Variants in LMBRD2 observed in about 807,000 individuals in gnomAD.
The protein encoded by LMBRD2 is G protein-coupled receptor-associated protein LMBRD2.
Under a neutral mutation model 94.4 loss-of-function variants are expected in LMBRD2, and 55 were observed. That is an observed-to-expected ratio of 0.58 (90% CI 0.47 to 0.73). The LOEUF (loss-of-function observed/expected upper bound fraction) is 0.73. Ranked by LOEUF, LMBRD2 falls within the 30% of genes least tolerant of loss-of-function variation. The pLI is 0.00. For synonymous variants in LMBRD2, 246 were observed against 272.4 expected, an observed-to-expected ratio of 0.90 and a Z score of 0.95; for missense variants, 640 against 831.9, an observed-to-expected ratio of 0.77 and a Z score of 2.84.
Position 36,102,649 on chromosome 5 carries a change from AC to A in LMBRD2, c.*1396del, listed in dbSNP as rs1262821809. 5.3e-5 allele frequency: 8 copies of A among 151,888 alleles called. No individual in the cohort carries two copies. Among genetic ancestry groups the A allele is most frequent in the Non-Finnish European group, 1.2e-4 (8 of 67,776 alleles). The allele number at this position is 151,888 out of a possible 1,614,324, so 9.4% of individuals were successfully genotyped here. ...GCATAGAGCTGTGTTTTAAAAAAAA[AC>A]TTACATGATAATATTTATTAAAAAT... is the stretch of plus-strand genomic sequence containing the variant. On this transcript the variant is annotated 3_prime_UTR_variant, in exon 18 of 18. Coordinates refer to ENST00000296603, the MANE Select transcript of LMBRD2 (RefSeq NM_001007527.2).
intron 6 of LMBRD2, among the ~76,000 whole-genome samples, chr5:36,129,930 G>A (rs1213179771): frequency 2.0e-5 from 3 of 152,054 alleles, no homozygotes; most frequent in African/African-American, 7.3e-5. Flanking sequence ...GCAAACTATC[G>A]CAAGGACAAA....
Position 36,105,214 on chromosome 5 carries a change from A to G in LMBRD2, c.1898-17T>C. 6.2e-7 allele frequency: 1 copy of G among 1,607,508 alleles called. No homozygotes were observed. Among genetic ancestry groups the G allele is most frequent in the Middle Eastern group, 1.7e-4 (1 of 6,034 alleles). The stretch of plus-strand genomic sequence containing the variant: ...TGAATGCAGCTGCAAAGGAAGGGGG[A>G]AAAATGTCTACTTCCCTACTGTCTT... On this transcript the variant is annotated splice_polypyrimidine_tract_variant and intron_variant, in intron 16 of 17. Transcript: ENST00000296603.
At chr5:36,141,245 C>A in intron 3 of LMBRD2, 43 bp from the exon 4 acceptor site, 1 of 1,120,958 alleles carries the variant, frequency 8.9e-7, no homozygotes, top group Non-Finnish European at 1.3e-6. Flanking sequence ...TAAATGACTA[C>A]TTAAATGAAT....
rs1189239958 is a variant in LMBRD2, at chr5:36,101,354, C to A, written c.*2692G>T. The A allele has an allele frequency of 6.6e-6, 1 of 151,754 alleles. No homozygotes were observed. Among genetic ancestry groups the A allele is most frequent in the Non-Finnish European group, 1.5e-5 (1 of 67,812 alleles). The allele number at this position is 151,754 out of a possible 1,614,324, so 9.4% of individuals were successfully genotyped here. ...CTGAATTACTGGCTTACTGAATATT[C>A]TTACCTAACAACTATTTAAAGAATA... On this transcript the variant is annotated 3_prime_UTR_variant, in exon 18 of 18. Transcript: ENST00000296603.
intron 15 of LMBRD2, among the ~76,000 whole-genome samples, chr5:36,109,240 T>G (rs1232262939): frequency 6.6e-6 from 1 of 152,088 alleles, no homozygotes; most frequent in Non-Finnish European, 1.5e-5. Context: ...TCTGACTAGA[T>G]AGCATGTAAT....
intron 9 of LMBRD2, among the ~76,000 whole-genome samples, chr5:36,121,639 G>C (rs1043590424): frequency 7.2e-5 from 11 of 152,150 alleles, no homozygotes; most frequent in Non-Finnish European, 1.5e-4. Flanking sequence ...AGAGACCCAA[G>C]CTTGTGATGT....
intron 4 of LMBRD2, among the ~76,000 whole-genome samples, 189 bp from the exon 5 acceptor site, chr5:36,137,630 G>A (rs1361233959): frequency 6.6e-6 from 1 of 152,080 alleles, no homozygotes; most frequent in East Asian, 1.9e-4. Context: ...TAAAATTTTA[G>A]GGAAAGCAAA....
At chr5:36,140,127 C>A (rs1176312350) in intron 4 of LMBRD2, among the ~76,000 whole-genome samples, 1 of 152,228 alleles carries the variant, frequency 6.6e-6, no homozygotes, top group African/African-American at 2.4e-5. Context: ...CTGGGTACCA[C>A]CACATTCCTC....
intron 13 of LMBRD2, among the ~76,000 whole-genome samples, chr5:36,112,698 T>G (rs155540): frequency 0.014 from 2,196 of 152,250 alleles, 54 homozygotes; most frequent in African/African-American, 0.05. Flanking sequence ...ACATAGTGAT[T>G]CCTTATAGCT....
chr5:36,122,809 A>G (rs1378538238), intron 8 of LMBRD2, 39 bp downstream of exon 8: 1 of 1,551,896 alleles, frequency 6.4e-7, no homozygotes, highest in Non-Finnish European at 8.6e-7. Context: ...TCTAATTAAA[A>G]TCATCATTAA....
In LMBRD2 at chr5:36,122,310, A is replaced by G. The variant is rs1743904613; in HGVS notation, c.1090T>C (p.Phe364Leu). 1 of 1,603,894 alleles carries G rather than the reference A, an allele frequency of 6.2e-7. No homozygotes were observed. The highest frequency in any genetic ancestry group is 1.8e-5 in the Admixed American group (1 of 56,704). Residue 364 changes from phenylalanine to leucine, a missense_variant, in exon 9 of 18, where the codon TTT (phenylalanine) becomes CTT (leucine). Transcript: ENST00000296603. Reference sequence around the variant, plus strand: ...GTAGGATTATAAAAATATTGGATAAATCGATTTTCTGGCTCTGGCGATTGA... The same window carrying G: ...GTAGGATTATAAAAATATTGGATAAGTCGATTTTCTGGCTCTGGCGATTGA... ...TFQSPEPENR[F>L]IQYFYNPTFE...
At chr5:36,147,720 T>A (rs1235510615) in intron 1 of LMBRD2, among the ~76,000 whole-genome samples, 2 of 152,206 alleles carry the variant, frequency 1.3e-5, no homozygotes, top group Non-Finnish European at 2.9e-5. Context: ...ATAATAGTTT[T>A]TCAGGCCAAA....
In LMBRD2 at chr5:36,103,748, C is replaced by A; in HGVS notation, c.*298G>T. 1 of 172,532 alleles carries A rather than the reference C, an allele frequency of 5.8e-6. No individual in the cohort carries two copies. Among genetic ancestry groups the A allele is most frequent in the Non-Finnish European group, 1.2e-5 (1 of 81,066 alleles). 10.7% of individuals were successfully genotyped at this position (172,532 alleles called of 1,614,324 possible). On this transcript the variant is annotated 3_prime_UTR_variant, in exon 18 of 18. Transcript: ENST00000296603. ...CTCTTGAAAAAAAATTAATCTGAAA[C>A]AAACTGAACTGCATGTTCTTAACAT...
chr5:36,099,060 A>C lies in LMBRD2; in HGVS notation c.*4986T>G, dbSNP rs1172114244. 1 of 152,112 alleles carries C rather than the reference A, an allele frequency of 6.6e-6. No individual in the cohort carries two copies. The highest frequency in any genetic ancestry group is 1.9e-4 in the East Asian group (1 of 5,196). The allele number at this position is 152,112 out of a possible 1,614,324, so 9.4% of individuals were successfully genotyped here. A position where few individuals can be genotyped will look rare whatever the true frequency, so the allele number is the denominator to read the frequency against. On this transcript the variant is annotated 3_prime_UTR_variant, in exon 18 of 18. Transcript: ENST00000296603. ...ATTTTATTAATGCAATGCAGAAATT[A>C]GGTTTTTGGTATATTAATAATTTGC...
At chr5:36,141,013 A>G (rs1388795595) in intron 4 of LMBRD2, 94 bp downstream of exon 4, 2 of 680,808 alleles carry the variant, frequency 2.9e-6, no homozygotes, top group South Asian at 1.9e-5. Flanking sequence ...CAGAATGCAT[A>G]TGACACATAA....
Position 36,122,467 on chromosome 5 carries a change from A to T in LMBRD2, c.937-4T>A. 1 of 1,609,626 alleles carries T rather than the reference A, an allele frequency of 6.2e-7. No homozygotes were observed. Among genetic ancestry groups the T allele is most frequent in the South Asian group, 1.1e-5 (1 of 90,134 alleles). ...GTCTCTGAACTGAATAAATCACCTA[A>T]AAAAGAGAATGGGGGTAGACCTGGC... On this transcript the variant is annotated splice_region_variant and splice_polypyrimidine_tract_variant and intron_variant, in intron 8 of 17. Coordinates refer to ENST00000296603, the MANE Select transcript of LMBRD2 (RefSeq NM_001007527.2).
chr5:36,116,510 A>T lies in LMBRD2; in HGVS notation c.1386T>A (p.Tyr462Ter). 6.2e-7 allele frequency: 1 copy of T among 1,613,224 alleles called. No homozygotes were observed. Among genetic ancestry groups the T allele is most frequent in the Non-Finnish European group, 8.5e-7 (1 of 1,179,232 alleles). The change falls in exon 11 of 18, where the codon TAT becomes TAA. Residue 462 changes from tyrosine (Y) to a stop codon, truncating the protein, a stop_gained. Coordinates refer to ENST00000296603, the MANE Select transcript of LMBRD2 (RefSeq NM_001007527.2). LOFTEE classifies it high-confidence loss of function. ...VFRIRVFNYYYLASHHQTDAY... is the reference protein window; with the variant it reads ...VFRIRVFNYY ...CATCAGTCTGGTGATGTGAGGCCAA[A>T]TAATAATAGTTAAATACACGAATCC...
Position 36,106,611 on chromosome 5 carries a change from G to A in LMBRD2, c.1898-1414C>T, listed in dbSNP as rs139992308. On this transcript the variant is annotated intron_variant, in intron 16 of 17. Transcript: ENST00000296603. ...TACAACCTCCTCCTCCTGAGTTCAAGTAATTCTCCCATTTCAGCCTCCTGA... is the reference window on the plus strand; with the variant it reads ...TACAACCTCCTCCTCCTGAGTTCAAATAATTCTCCCATTTCAGCCTCCTGA... Among the ~76,000 whole-genome samples, 18 of 146,430 alleles carry A rather than the reference G, an allele frequency of 1.2e-4. 1 individual carries two copies. The East Asian group carries it at 3.7e-3, about 30-fold the overall frequency.
At chr5:36,105,252 TCA>T (rs1743438860) in intron 16 of LMBRD2, 55 bp from the exon 17 acceptor site, 1 of 1,544,400 alleles carries the variant, frequency 6.5e-7, no homozygotes, top group Admixed American at 1.7e-5. Context: ...AACTTATGGG[TCA>T]CAGTCTATGG....
Sources: allele counts gnomAD v4.1 joint callset (sites outside exome capture counted in the v4.1 genomes callset), GRCh38; gene constraint gnomAD v4.1.1; transcripts MANE v1.5; gene names NCBI Gene and HGNC (gene_info 2026-07-23, HGNC 2026-07-21).